CNTN4: variants seen among roughly 807,000 people sequenced by gnomAD.
CNTN4 encodes the protein contactin 4.
Under a neutral mutation model 122.5 loss-of-function variants are expected in CNTN4, and 77 were observed. The ratio of observed to expected loss-of-function variants is 0.63; its 90% confidence interval spans 0.52 to 0.76. CNTN4 has a LOEUF of 0.76. Ranked by LOEUF, CNTN4 falls within the 30% of genes least tolerant of loss-of-function variation. The pLI is 0.00. For missense variants in CNTN4, 1,256 were observed against 1,259.1 expected (o/e 1.00, Z 0.04); for synonymous variants, 512 against 447.0 (o/e 1.15, Z -1.83).
rs759856065 is a variant in CNTN4, at chr3:2,481,103, TTC to T, written c.-88-90307_-88-90306del. Among the ~76,000 whole-genome samples, 164 of 139,804 alleles carry T rather than the reference TTC, an allele frequency of 1.2e-3. 2 individuals are homozygous for T. The Middle Eastern group carries it at 0.014, about 12-fold the overall frequency. 91.7% of individuals were successfully genotyped at this position (139,804 alleles called of 152,430 possible). ...TCTCTTTCTCTCTTTCTTTCTTTCT[TTC>T]TCTCTTTCTCTCTTTCTCCCTCTTT... On this transcript the variant is annotated intron_variant, in intron 3 of 24. Coordinates refer to ENST00000418658, the MANE Select transcript of CNTN4 (RefSeq NM_175607.3).
chr3:2,930,643 A>G (rs2094512082), intron 13 of CNTN4, among the ~76,000 whole-genome samples: 1 of 152,210 alleles, frequency 6.6e-6, no homozygotes, highest in Non-Finnish European at 1.5e-5. Flanking sequence ...TAGGTACGCC[A>G]CTGAATTTTT....
At chr3:2,941,257 A>T (rs1459176420) in intron 13 of CNTN4, among the ~76,000 whole-genome samples, 1 of 151,850 alleles carries the variant, frequency 6.6e-6, no homozygotes, top group Non-Finnish European at 1.5e-5. Context: ...CATCTTCCTC[A>T]TCCACTTTGC....
chr3:2,430,526 C>T (rs1321461542), intron 3 of CNTN4, among the ~76,000 whole-genome samples: 1 of 150,410 alleles, frequency 6.6e-6, no homozygotes, highest in Non-Finnish European at 1.5e-5. Flanking sequence ...ATCTTAGAAC[C>T]TCCCCTAGTT....
At chr3:2,550,591 C>T (rs181150482) in intron 3 of CNTN4, among the ~76,000 whole-genome samples, 2 of 152,244 alleles carry the variant, frequency 1.3e-5, no homozygotes, top group East Asian at 3.9e-4. Context: ...CCAGCAACCC[C>T]ATTACTGGGT....
chr3:2,938,858 C>G (rs1173041104), intron 13 of CNTN4, among the ~76,000 whole-genome samples: 1 of 152,136 alleles, frequency 6.6e-6, no homozygotes, highest in Non-Finnish European at 1.5e-5. Flanking sequence ...TGTGTATCAT[C>G]AAGTGGAGTT....
chr3:2,840,514 C>T (rs181976132), intron 7 of CNTN4, among the ~76,000 whole-genome samples: 33 of 118,744 alleles, frequency 2.8e-4, no homozygotes, highest in African/African-American at 8.4e-4. Context: ...TCCTGGCTAA[C>T]ACGGTGAAAC....
intron 2 of CNTN4, among the ~76,000 whole-genome samples, chr3:2,321,378 A>G (rs2043272352): frequency 6.6e-6 from 1 of 151,892 alleles, no homozygotes; most frequent in South Asian, 2.1e-4. Context: ...AAATGGAAAT[A>G]ATAAGGCTGT....
At chr3:2,447,159 A>G (rs2048657816) in intron 3 of CNTN4, among the ~76,000 whole-genome samples, 1 of 152,070 alleles carries the variant, frequency 6.6e-6, no homozygotes, top group Non-Finnish European at 1.5e-5. Flanking sequence ...ATATACCTCT[A>G]TTTAACATTT....
intron 2 of CNTN4, among the ~76,000 whole-genome samples, chr3:2,299,137 A>C (rs1033762316): frequency 6.6e-6 from 1 of 152,304 alleles, no homozygotes; most frequent in Middle Eastern, 3.4e-3. Context: ...ATGGACAGGA[A>C]ATCTTTATAC....
chr3:2,401,282 C>G (rs2046848383), intron 3 of CNTN4, among the ~76,000 whole-genome samples: 1 of 152,016 alleles, frequency 6.6e-6, no homozygotes, highest in African/African-American at 2.4e-5. Flanking sequence ...GGTCAGAGAG[C>G]CTGCTAGGGA....
intron 2 of CNTN4, among the ~76,000 whole-genome samples, chr3:2,157,064 G>T (rs986726985): frequency 4.6e-5 from 7 of 152,146 alleles, no homozygotes; most frequent in African/African-American, 1.7e-4. Flanking sequence ...ATTTCATTGT[G>T]AGATATGTGT....
chr3:2,707,842 A>C (rs1453120905), intron 4 of CNTN4, among the ~76,000 whole-genome samples: 2 of 152,150 alleles, frequency 1.3e-5, no homozygotes, highest in African/African-American at 4.8e-5. Context: ...TTGAATTTTC[A>C]CAACTCTGAC....
At chr3:2,422,791 G>T (rs1429269653) in intron 3 of CNTN4, among the ~76,000 whole-genome samples, 1 of 152,126 alleles carries the variant, frequency 6.6e-6, no homozygotes, top group East Asian at 1.9e-4. Flanking sequence ...GCCTGAGTGT[G>T]GCATGGTTTC....
intron 3 of CNTN4, among the ~76,000 whole-genome samples, chr3:2,490,345 C>T (rs1344264057): frequency 6.6e-6 from 1 of 152,200 alleles, no homozygotes; most frequent in Non-Finnish European, 1.5e-5. Context: ...TAGTTAGTCT[C>T]CAACTATGCT....
At chr3:2,923,318 T>G (rs1474456133) in intron 12 of CNTN4, among the ~76,000 whole-genome samples, 2 of 77,300 alleles carry the variant, frequency 2.6e-5, no homozygotes, top group African/African-American at 7.6e-5. Flanking sequence ...AATACCTGAC[T>G]TTTTTTTTTT....
At chr3:2,996,397 C>G (rs1695540022) in intron 14 of CNTN4, among the ~76,000 whole-genome samples, 1 of 152,068 alleles carries the variant, frequency 6.6e-6, no homozygotes, top group Non-Finnish European at 1.5e-5. Context: ...TTTTTCAGTT[C>G]TCTCTCAGAT....
intron 12 of CNTN4, among the ~76,000 whole-genome samples, chr3:2,919,006 G>C (rs1249674411): frequency 6.6e-6 from 1 of 152,152 alleles, no homozygotes; most frequent in African/African-American, 2.4e-5. Flanking sequence ...AAAAGGGAAA[G>C]AGGCTCTTAC....
chr3:2,468,663 A>G (rs1350950671), intron 3 of CNTN4, among the ~76,000 whole-genome samples: 2 of 152,102 alleles, frequency 1.3e-5, no homozygotes, highest in African/African-American at 4.8e-5. Flanking sequence ...TTCTAGGACT[A>G]TCTCAGAGGT....
intron 4 of CNTN4, among the ~76,000 whole-genome samples, chr3:2,679,479 C>G (rs1350763981): frequency 6.6e-6 from 1 of 152,084 alleles, no homozygotes; most frequent in East Asian, 1.9e-4. Context: ...TATGTGATGT[C>G]TCTGAGGGGC....
Sources: gnomAD v4.1 joint callset for allele counts (sites outside exome capture counted in the v4.1 genomes callset) on GRCh38, gnomAD v4.1.1 for gene constraint, MANE v1.5 for transcripts, NCBI Gene and HGNC (gene_info 2026-07-23, HGNC 2026-07-21) for gene names.